The following DLGAP1 variants were observed in gnomAD, a reference collection of about 807,000 sequenced individuals.
DLGAP1 encodes the protein DLG associated protein 1, also known as disks large-associated protein 1.
DLGAP1 carries 11 observed loss-of-function variants against 90.8 expected under a neutral mutation model. The ratio of observed to expected loss-of-function variants is 0.12; its 90% CI spans 0.08 to 0.20. The LOEUF is 0.20. Ranked by LOEUF, DLGAP1 falls within the 10% of genes least tolerant of loss-of-function variation. The pLI, the probability that DLGAP1 is intolerant of heterozygous loss-of-function variation, is 1.00. For missense variants in DLGAP1, 1,050 were observed against 1,333.8 expected (o/e 0.79, Z 3.31); for synonymous variants, 558 against 540.7 (o/e 1.03, Z -0.44).
At chr18:4,142,313 A>G (rs1455955845) in intron 2 of DLGAP1, among the ~76,000 whole-genome samples, 25 of 152,194 alleles carry the variant, frequency 1.6e-4, no homozygotes, top group African/African-American at 4.8e-5. Context: ...AAAAATGCCA[A>G]TATTAGTAAT....
chr18:3,505,637 TAA>T (rs35445954), intron 11 of DLGAP1, among the ~76,000 whole-genome samples: 359 of 87,668 alleles, frequency 4.1e-3, no homozygotes, highest in African/African-American at 0.014. Context: ...AGACTCCCTC[TAA>T]AAAAAAAAAA....
chr18:4,049,039 C>T (rs904722124), intron 2 of DLGAP1, among the ~76,000 whole-genome samples: 11 of 152,004 alleles, frequency 7.2e-5, no homozygotes, highest in African/African-American at 2.7e-4. Flanking sequence ...CCAGGCAGGG[C>T]AACATGGTGA....
intron 3 of DLGAP1, among the ~76,000 whole-genome samples, chr18:3,959,583 G>C (rs1340211917): frequency 1.3e-5 from 2 of 151,992 alleles, no homozygotes; most frequent in African/African-American, 4.8e-5. Context: ...AGAATCGCTT[G>C]AACCCGGGAG....
At chr18:4,049,793 T>C (rs1182978022) in intron 2 of DLGAP1, among the ~76,000 whole-genome samples, 4 of 152,112 alleles carry the variant, frequency 2.6e-5, no homozygotes, top group African/African-American at 9.7e-5. Flanking sequence ...TAATTGCCTC[T>C]GGGATTTTCC....
rs543606377 is a variant in DLGAP1, at chr18:3,547,250, C to A, written c.2058-12635G>T. On this transcript the variant is annotated intron_variant, in intron 9 of 12. Transcript: ENST00000315677. ...CCCGGGGGCGGAGCCTGCAGCAAGC[C>A]GAGATCGCGCCACTGCACTCCAGCC... Among the ~76,000 whole-genome samples the A allele has an allele frequency of 4.1e-4, 56 of 138,142 alleles. 1 individual carries two copies. The highest frequency in any genetic ancestry group is 4.3e-3 in the Middle Eastern group (1 of 234). The allele number at this position is 138,142 out of a possible 152,430, so 90.6% of individuals were successfully genotyped here.
At chr18:3,545,013 A>C (rs986885782) in intron 9 of DLGAP1, among the ~76,000 whole-genome samples, 5 of 152,152 alleles carry the variant, frequency 3.3e-5, no homozygotes, top group Non-Finnish European at 7.3e-5. Context: ...TCATGCCTGT[A>C]ATCCCAGCAT....
At chr18:4,406,353 T>A (rs1428768160) in intron 1 of DLGAP1, among the ~76,000 whole-genome samples, 2 of 152,212 alleles carry the variant, frequency 1.3e-5, no homozygotes, top group Non-Finnish European at 2.9e-5. Context: ...CCTTCTGATT[T>A]AGTTCTAGGA....
At chr18:4,338,372 T>C (rs1032401896) in intron 1 of DLGAP1, among the ~76,000 whole-genome samples, 5 of 152,218 alleles carry the variant, frequency 3.3e-5, no homozygotes, top group African/African-American at 1.2e-4. Context: ...ACATGTCCAA[T>C]AATACTTCTG....
rs549545397 is a variant in DLGAP1, at chr18:3,898,073, C to A, written c.-72-17933G>T. 2.7e-4 allele frequency among the ~76,000 whole-genome samples: 41 copies of A among 152,308 alleles called. No homozygotes were observed. The South Asian group carries it at 8.3e-3, about 31-fold the overall frequency. ...CCTCCCAAAGTGCTGGGATTACAGG[C>A]GTGAGCCACTGCGCCCGGCCGAATT... On this transcript the variant is annotated intron_variant, in intron 3 of 12. Coordinates refer to ENST00000315677, the MANE Select transcript of DLGAP1 (RefSeq NM_004746.4).
intron 4 of DLGAP1, among the ~76,000 whole-genome samples, chr18:3,843,687 GCAC>G (rs1045163606): frequency 6.6e-6 from 1 of 152,176 alleles, no homozygotes; most frequent in Non-Finnish European, 1.5e-5. Flanking sequence ...CCAAAACAAT[GCAC>G]CACGTTTGAG....
intron 4 of DLGAP1, among the ~76,000 whole-genome samples, chr18:3,857,365 T>A (rs962446643): frequency 3.9e-5 from 6 of 152,228 alleles, no homozygotes; most frequent in African/African-American, 1.4e-4. Flanking sequence ...ATGAATATTC[T>A]AGCCATGGTG....
intron 3 of DLGAP1, chr18:3,978,226 G>A (rs751409815): frequency 4.4e-5 from 19 of 429,428 alleles, no homozygotes; most frequent in South Asian, 1.3e-4. Flanking sequence ...ACTTCTCATC[G>A]TTCATGCCCA....
Position 3,815,452 on chromosome 18 carries a change from T to C in DLGAP1, c.958-1179A>G, listed in dbSNP as rs146008001. 3.3e-3 allele frequency among the ~76,000 whole-genome samples: 509 copies of C among 152,252 alleles called. 1 individual carries two copies. The highest frequency in any genetic ancestry group is 5.6e-3 in the Non-Finnish European group (381 of 68,010). ...ACACAAATAACACCTCTTTGCAAGT[T>C]TCTCCCCTTTTGGCCTTCTGATTGC... is the stretch of plus-strand genomic sequence containing the variant. On this transcript the variant is annotated intron_variant, in intron 4 of 12. Coordinates refer to ENST00000315677, the MANE Select transcript of DLGAP1 (RefSeq NM_004746.4).
At chr18:3,746,221 T>G (rs1458069671) in intron 5 of DLGAP1, among the ~76,000 whole-genome samples, 1 of 152,120 alleles carries the variant, frequency 6.6e-6, no homozygotes, top group East Asian at 1.9e-4. Flanking sequence ...AGCATATAGA[T>G]GAAAAATAAT....
At chr18:3,976,832 T>C (rs981588060) in intron 3 of DLGAP1, among the ~76,000 whole-genome samples, 2 of 152,208 alleles carry the variant, frequency 1.3e-5, no homozygotes, top group African/African-American at 4.8e-5. Flanking sequence ...GTTATAAAGG[T>C]ACTATTCTCA....
intron 2 of DLGAP1, among the ~76,000 whole-genome samples, chr18:4,089,969 C>G (rs1158939964): frequency 6.6e-6 from 1 of 152,070 alleles, no homozygotes; most frequent in South Asian, 2.1e-4. Flanking sequence ...GGCGTGAACC[C>G]GGGAGGCGGA....
chr18:3,703,982 C>T (rs1477314915), intron 7 of DLGAP1, among the ~76,000 whole-genome samples: 1 of 152,150 alleles, frequency 6.6e-6, no homozygotes, highest in East Asian at 1.9e-4. Context: ...CTATATCAGG[C>T]AATTATACCA....
At chr18:4,305,130 A>AT (rs2080218097) in intron 1 of DLGAP1, among the ~76,000 whole-genome samples, 1 of 152,154 alleles carries the variant, frequency 6.6e-6, no homozygotes, top group African/African-American at 2.4e-5. Context: ...CACAAAAAGG[A>AT]ACAGACCCTG....
intron 3 of DLGAP1, among the ~76,000 whole-genome samples, chr18:3,969,771 CTA>C (rs1323476859): frequency 6.6e-6 from 1 of 152,136 alleles, no homozygotes; most frequent in East Asian, 1.9e-4. Context: ...GCCAACTATT[CTA>C]TGTCTGTCAG....
Sources: gnomAD v4.1 joint callset for allele counts (sites outside exome capture counted in the v4.1 genomes callset) on GRCh38, gnomAD v4.1.1 for gene constraint, MANE v1.5 for transcripts, NCBI Gene and HGNC (gene_info 2026-07-23, HGNC 2026-07-21) for gene names.